The following LRBA variants were observed in gnomAD, a reference collection of about 807,000 sequenced individuals.
LRBA encodes LPS responsive beige-like anchor protein, also known as lipopolysaccharide-responsive and beige-like anchor protein.
A neutral mutation model predicts 330.0 loss-of-function variants in LRBA; 176 were observed. The ratio of observed to expected loss-of-function variants is 0.53; its 90% CI spans 0.47 to 0.60. The LOEUF (loss-of-function observed/expected upper bound fraction) is 0.60. Among genes scored for constraint, LRBA ranks in the 20% least tolerant of loss-of-function variants. The pLI, the probability that LRBA is intolerant of heterozygous loss-of-function variation, is 0.00. For synonymous variants in LRBA, 1,230 were observed against 1,193.0 expected, an observed-to-expected ratio of 1.03 and a Z score of -0.64; for missense variants, 3,259 against 3,444.8, an observed-to-expected ratio of 0.95 and a Z score of 1.35.
chr4:150,556,953 A>C (rs1767398238), intron 40 of LRBA, among the ~76,000 whole-genome samples: 1 of 152,224 alleles, frequency 6.6e-6, no homozygotes, highest in Non-Finnish European at 1.5e-5. Context: ...CAATTACCAA[A>C]GAAAGATAAT....
At chr4:150,592,357 T>C (rs1219411930) in intron 38 of LRBA, among the ~76,000 whole-genome samples, 1 of 151,718 alleles carries the variant, frequency 6.6e-6, no homozygotes, top group East Asian at 1.9e-4. Context: ...TTACGGATGA[T>C]GTTAAAGGTA....
At chr4:150,347,030 T>G (rs1270254805) in intron 48 of LRBA, among the ~76,000 whole-genome samples, 1 of 152,148 alleles carries the variant, frequency 6.6e-6, no homozygotes, top group African/African-American at 2.4e-5. Flanking sequence ...GGAATATTAC[T>G]CAGCCTAAAG....
At chr4:150,652,133 G>A (rs922994290) in intron 37 of LRBA, among the ~76,000 whole-genome samples, 2 of 152,106 alleles carry the variant, frequency 1.3e-5, no homozygotes, top group Non-Finnish European at 2.9e-5. Context: ...ACTACGCGGG[G>A]CACCAATATC....
At chr4:150,887,067 T>C (rs147820891) in intron 17 of LRBA, among the ~76,000 whole-genome samples, 1 of 152,204 alleles carries the variant, frequency 6.6e-6, no homozygotes, top group African/African-American at 2.4e-5. Context: ...GTTATATGCA[T>C]GTATTAATAT....
chr4:150,845,640 A>G (rs938174238), intron 26 of LRBA, among the ~76,000 whole-genome samples: 3 of 152,276 alleles, frequency 2.0e-5, no homozygotes, highest in African/African-American at 7.2e-5. Context: ...ACAAAGAATC[A>G]CTGGCCTATC....
At chr4:150,660,566 T>G (rs1426291147) in intron 37 of LRBA, among the ~76,000 whole-genome samples, 2 of 145,776 alleles carry the variant, frequency 1.4e-5, no homozygotes, top group East Asian at 2.1e-4. Context: ...GTCTGGGAGG[T>G]GTGCCCAACA....
chr4:150,909,935 T>A (rs1731796329), intron 9 of LRBA, among the ~76,000 whole-genome samples: 1 of 152,198 alleles, frequency 6.6e-6, no homozygotes, highest in African/African-American at 2.4e-5. Context: ...TTTTCATATG[T>A]TCATTGGCTA....
chr4:150,403,492 C>T (rs148702481), intron 47 of LRBA, among the ~76,000 whole-genome samples: 167 of 152,130 alleles, frequency 1.1e-3, no homozygotes, highest in African/African-American at 3.8e-3. Context: ...GATTTCTAGC[C>T]ATCTTTTAAC....
At chr4:150,284,857 T>C (rs1482153303) in intron 54 of LRBA, among the ~76,000 whole-genome samples, 1 of 152,200 alleles carries the variant, frequency 6.6e-6, no homozygotes, top group South Asian at 2.1e-4. Flanking sequence ...ATGGAACAAT[T>C]GTAAAATTTA....
Position 150,598,507 on chromosome 4 carries a change from A to G in LRBA, c.6046+500T>C, listed in dbSNP as rs767238828. Among the ~76,000 whole-genome samples, 53 of 152,200 alleles carry G rather than the reference A, an allele frequency of 3.5e-4. 1 individual carries two copies. The highest frequency in any genetic ancestry group is 7.1e-4 in the Non-Finnish European group (48 of 68,034). ...TATTCTCTTTTTCCATGAGCCATCTATCATAACCATCTTCAAATCAAGGCT... is the reference window on the plus strand; with the variant it reads ...TATTCTCTTTTTCCATGAGCCATCTGTCATAACCATCTTCAAATCAAGGCT... On this transcript the variant is annotated intron_variant, in intron 38 of 56. Transcript: ENST00000651943.
At chr4:150,997,060 A>T (rs1395518375) in intron 2 of LRBA, among the ~76,000 whole-genome samples, 1 of 152,216 alleles carries the variant, frequency 6.6e-6, no homozygotes, top group East Asian at 1.9e-4. Context: ...TTTTATTTTA[A>T]TTTAAGTTCA....
At position 150,389,087 on chromosome 4, in the gene LRBA, G is replaced by A. The variant is rs142197557; in HGVS notation, c.7194+26351C>T. Among the ~76,000 whole-genome samples the A allele has an allele frequency of 7.4e-4, 112 of 152,220 alleles. 2 individuals are homozygous for A. The East Asian group carries it at 0.021, about 29-fold the overall frequency. On this transcript the variant is annotated intron_variant, in intron 47 of 56. Coordinates refer to ENST00000651943, the MANE Select transcript of LRBA (RefSeq NM_001364905.1). ...AACAAGAAAACATCAAGAAGAATGAGTATCTTCAATTTTGGATCTTTGTAA... is the reference window on the plus strand; with the variant it reads ...AACAAGAAAACATCAAGAAGAATGAATATCTTCAATTTTGGATCTTTGTAA...
At chr4:150,998,618 G>T (rs1742974290) in intron 2 of LRBA, among the ~76,000 whole-genome samples, 1 of 152,044 alleles carries the variant, frequency 6.6e-6, no homozygotes, top group Non-Finnish European at 1.5e-5. Flanking sequence ...GCCTCCCAAA[G>T]TGTCGGGACT....
At chr4:150,433,004 C>T (rs968129005) in intron 46 of LRBA, among the ~76,000 whole-genome samples, 2 of 152,052 alleles carry the variant, frequency 1.3e-5, no homozygotes, top group African/African-American at 2.4e-5. Context: ...TACTATCCTA[C>T]AGATATTAGG....
intron 47 of LRBA, among the ~76,000 whole-genome samples, chr4:150,375,055 G>T (rs571754996): frequency 5.6e-5 from 8 of 143,062 alleles, no homozygotes; most frequent in African/African-American, 2.1e-4. Flanking sequence ...CAACAAGAGG[G>T]CATATAACCC....
At chr4:150,353,281 T>C (rs1737407483) in intron 47 of LRBA, among the ~76,000 whole-genome samples, 1 of 152,142 alleles carries the variant, frequency 6.6e-6, no homozygotes, top group African/African-American at 2.4e-5. Context: ...AAAAAACGTG[T>C]AGTTCATATA....
intron 56 of LRBA, among the ~76,000 whole-genome samples, chr4:150,266,374 T>A (rs1745337939): frequency 6.6e-6 from 1 of 152,222 alleles, no homozygotes; most frequent in Non-Finnish European, 1.5e-5. Context: ...GGTGAGGACC[T>A]AGTCCTCGTA....
chr4:150,998,178 C>A (rs895299321), intron 2 of LRBA, among the ~76,000 whole-genome samples: 3 of 151,494 alleles, frequency 2.0e-5, no homozygotes, highest in African/African-American at 4.9e-5. Context: ...ATGGAGAAAC[C>A]CCGTCTCTAC....
intron 40 of LRBA, among the ~76,000 whole-genome samples, chr4:150,538,809 T>C (rs1190013907): frequency 2.1e-5 from 3 of 142,584 alleles, no homozygotes; most frequent in Non-Finnish European, 4.6e-5. Context: ...AGTGAGGCCC[T>C]GTCTCAAAAA....
Sources: allele counts gnomAD v4.1 joint callset (sites outside exome capture counted in the v4.1 genomes callset), GRCh38; gene constraint gnomAD v4.1.1; transcripts MANE v1.5; gene names NCBI Gene and HGNC (gene_info 2026-07-23, HGNC 2026-07-21).